CHRM3: variants seen among roughly 807,000 people sequenced by gnomAD.
CHRM3 encodes the protein muscarinic acetylcholine receptor M3.
A neutral mutation model predicts 41.8 loss-of-function variants in CHRM3; 11 were observed. That is an observed-to-expected ratio of 0.26 (90% CI 0.17 to 0.44). CHRM3 has a LOEUF of 0.44. CHRM3 is among the 20% of genes least tolerant of loss of function. The pLI is 1.00. For synonymous variants in CHRM3, 297 were observed against 301.4 expected (o/e 0.99, Z 0.15); for missense variants, 571 against 745.4 (o/e 0.77, Z 2.72).
intron 5 of CHRM3, among the ~76,000 whole-genome samples, chr1:239,756,682 T>C (rs1167348376): frequency 2.0e-5 from 3 of 152,230 alleles, no homozygotes; most frequent in Non-Finnish European, 4.4e-5. Flanking sequence ...GAGTAATGGC[T>C]GACCTGTTTT....
At chr1:239,690,727 A>T (rs1571997479) in intron 5 of CHRM3, among the ~76,000 whole-genome samples, 1 of 152,130 alleles carries the variant, frequency 6.6e-6, no homozygotes, top group Admixed American at 6.6e-5. Context: ...TTGGGAAAAG[A>T]TCATCATTTA....
intron 3 of CHRM3, among the ~76,000 whole-genome samples, chr1:239,553,368 T>A (rs1338143926): frequency 6.6e-6 from 1 of 152,120 alleles, no homozygotes; most frequent in East Asian, 1.9e-4. Context: ...CCTACTATGC[T>A]TCCGTGGGAA....
intron 2 of CHRM3, among the ~76,000 whole-genome samples, chr1:239,541,933 A>T (rs535446091): frequency 6.6e-6 from 1 of 152,314 alleles, no homozygotes; most frequent in African/African-American, 2.4e-5. Context: ...AGCTGTCTGC[A>T]AATCACTCCA....
At chr1:239,496,057 A>G (rs1208496178) in intron 2 of CHRM3, among the ~76,000 whole-genome samples, 3 of 152,126 alleles carry the variant, frequency 2.0e-5, no homozygotes, top group Non-Finnish European at 4.4e-5. Context: ...AAACCTGAGG[A>G]CAGTCAGTCT....
chr1:239,715,769 G>T (rs1225193448), intron 5 of CHRM3, among the ~76,000 whole-genome samples: 1 of 152,118 alleles, frequency 6.6e-6, no homozygotes, highest in Non-Finnish European at 1.5e-5. Context: ...GGGAGGAAAG[G>T]ACATTGAGTT....
intron 1 of CHRM3, among the ~76,000 whole-genome samples, chr1:239,474,795 A>G (rs1057020616): frequency 3.3e-5 from 5 of 152,100 alleles, no homozygotes; most frequent in Non-Finnish European, 7.4e-5. Context: ...TAAAACAAAC[A>G]AACTAACTAC....
At chr1:239,626,994 G>T (rs1368182638) in intron 3 of CHRM3, among the ~76,000 whole-genome samples, 5 of 124,198 alleles carry the variant, frequency 4.0e-5, no homozygotes, top group African/African-American at 9.0e-5. Context: ...TTGGGGTGGA[G>T]AGTTCTGTAG....
At chr1:239,469,848 C>T (rs894748058) in intron 1 of CHRM3, among the ~76,000 whole-genome samples, 15 of 152,172 alleles carry the variant, frequency 9.9e-5, no homozygotes, top group Admixed American at 9.2e-4. Context: ...TGAGCCACCG[C>T]ACTCTGACAG....
At chr1:239,740,869 G>A (rs1437569790) in intron 5 of CHRM3, among the ~76,000 whole-genome samples, 2 of 152,126 alleles carry the variant, frequency 1.3e-5, no homozygotes, top group African/African-American at 4.8e-5. Context: ...CTGTTGGAGG[G>A]TGTTTTTATA....
At chr1:239,873,579 G>A (rs1676779075) in intron 6 of CHRM3, among the ~76,000 whole-genome samples, 2 of 151,654 alleles carry the variant, frequency 1.3e-5, no homozygotes, top group South Asian at 4.2e-4. Context: ...ATTTACAAGT[G>A]AGAACATGCA....
At chr1:239,538,857 G>A (rs73116721) in intron 2 of CHRM3, among the ~76,000 whole-genome samples, 2,239 of 152,280 alleles carry the variant, frequency 0.015, 38 homozygotes, top group African/African-American at 0.048. Context: ...CCTCAAGGCT[G>A]TCTTTCCCTT....
chr1:239,761,670 AG>A lies in CHRM3; in HGVS notation c.-146-65577del, dbSNP rs151318064. Among the ~76,000 whole-genome samples the A allele has an allele frequency of 1.2e-3, 180 of 152,260 alleles. 4 individuals are homozygous for A. In the East Asian group the frequency reaches 0.031, roughly 26 times the overall value. On this transcript the variant is annotated intron_variant, in intron 5 of 6. Transcript: ENST00000676153. Reference sequence around the variant, plus strand: ...TGCTCGGCCAGATGCCTCATGCGCTAGGGGGCCTTTTCACTCTGGCTGGTGG... The same window carrying A: ...TGCTCGGCCAGATGCCTCATGCGCTAGGGGCCTTTTCACTCTGGCTGGTGG...
intron 5 of CHRM3, among the ~76,000 whole-genome samples, chr1:239,747,947 G>A (rs564724241): frequency 4.6e-5 from 7 of 152,292 alleles, no homozygotes; most frequent in African/African-American, 1.4e-4. Flanking sequence ...CAAGGCACAA[G>A]AATTGCTTGA....
intron 5 of CHRM3, among the ~76,000 whole-genome samples, chr1:239,760,591 T>C (rs1666677640): frequency 6.6e-6 from 1 of 152,096 alleles, no homozygotes; most frequent in African/African-American, 2.4e-5. Flanking sequence ...GCTCCTCTTC[T>C]CTTTTTTTTA....
At position 239,708,013 on chromosome 1, in the gene CHRM3, A is replaced by G. The variant is rs1661357265; in HGVS notation, c.-147+29725A>G. Among the ~76,000 whole-genome samples, 4 of 152,238 alleles carry G rather than the reference A, an allele frequency of 2.6e-5. No homozygotes were observed. In the South Asian group the frequency reaches 8.3e-4, roughly 32 times the overall value. ...CTACTGTGGAATATTTCTTGAAGAA[A>G]AAAATACCATTTAACTCCTCATAGG... On this transcript the variant is annotated intron_variant, in intron 5 of 6. Transcript: ENST00000676153.
At chr1:239,711,153 G>A (rs1019174389) in intron 5 of CHRM3, among the ~76,000 whole-genome samples, 1 of 152,064 alleles carries the variant, frequency 6.6e-6, no homozygotes. Context: ...CACATCCCTT[G>A]TGTGTTGTTT....
intron 5 of CHRM3, among the ~76,000 whole-genome samples, chr1:239,820,030 G>A (rs542037409): frequency 6.8e-4 from 103 of 152,214 alleles, no homozygotes; most frequent in African/African-American, 2.4e-3. Context: ...TTACCATGTC[G>A]GTGAGAGCTC....
chr1:239,532,541 C>T (rs867554095), intron 2 of CHRM3, among the ~76,000 whole-genome samples: 2 of 149,830 alleles, frequency 1.3e-5, no homozygotes, highest in East Asian at 4.1e-4. Context: ...AGGAGAATGG[C>T]GTGAACCCGG....
chr1:239,693,424 A>G (rs1659895517), intron 5 of CHRM3, among the ~76,000 whole-genome samples: 1 of 152,154 alleles, frequency 6.6e-6, no homozygotes, highest in African/African-American at 2.4e-5. Flanking sequence ...AAGCCAAGGA[A>G]GAGAGCCCTA....
Sources: allele counts gnomAD v4.1 joint callset (sites outside exome capture counted in the v4.1 genomes callset), GRCh38; gene constraint gnomAD v4.1.1; transcripts MANE v1.5; gene names NCBI Gene and HGNC (gene_info 2026-07-23, HGNC 2026-07-21).